UMAD1: variants seen among roughly 807,000 people sequenced by gnomAD.
UMAD1 encodes UBAP1-MVB12-associated (UMA) domain containing 1.
Under a neutral mutation model 6.1 loss-of-function variants are expected in UMAD1, and 8 were observed. The ratio of observed to expected loss-of-function variants is 1.30; its 90% CI spans 0.76 to 2.35. The LOEUF (loss-of-function observed/expected upper bound fraction) is 2.35, where lower values mean the gene tolerates loss of function less well. Among genes scored for constraint, UMAD1 ranks in the 30% most tolerant of loss-of-function variants. The probability of loss-of-function intolerance (pLI) is 0.00; values close to 1 mark genes in which losing one functional copy is unlikely to be tolerated. For synonymous variants in UMAD1, 56 were observed against 31.4 expected, an observed-to-expected ratio of 1.78 and a Z score of -2.61; for missense variants, 130 against 78.4, an observed-to-expected ratio of 1.66 and a Z score of -2.49.
chr7:7,775,788 C>G (rs1782193381), intron 2 of UMAD1, among the ~76,000 whole-genome samples: 1 of 152,180 alleles, frequency 6.6e-6, no homozygotes, highest in Admixed American at 6.5e-5. Flanking sequence ...TGCAGCTATT[C>G]TACTTCTAGG....
At chr7:7,828,628 C>T (rs1256690744) in intron 3 of UMAD1, among the ~76,000 whole-genome samples, 1 of 152,188 alleles carries the variant, frequency 6.6e-6, no homozygotes. Flanking sequence ...CCTGTAAAGG[C>T]TTTGATCCAG....
intron 2 of UMAD1, among the ~76,000 whole-genome samples, chr7:7,801,332 A>G (rs1456640708): frequency 6.6e-6 from 1 of 152,246 alleles, no homozygotes; most frequent in Non-Finnish European, 1.5e-5. Flanking sequence ...AAGAGTTTTT[A>G]TTTCAACATA....
intron 3 of UMAD1, among the ~76,000 whole-genome samples, chr7:7,840,213 G>C (rs1783651818): frequency 6.6e-6 from 1 of 152,056 alleles, no homozygotes; most frequent in Non-Finnish European, 1.5e-5. Context: ...TTAGTGTCAG[G>C]GTCTAAGATG....
chr7:7,725,016 T>C (rs1474724285), intron 2 of UMAD1, among the ~76,000 whole-genome samples: 1 of 152,212 alleles, frequency 6.6e-6, no homozygotes, highest in Non-Finnish European at 1.5e-5. Flanking sequence ...CTGGACTTAC[T>C]GGTGAGACAT....
At chr7:7,708,572 A>C (rs1200833062) in intron 2 of UMAD1, among the ~76,000 whole-genome samples, 1 of 152,206 alleles carries the variant, frequency 6.6e-6, no homozygotes, top group Non-Finnish European at 1.5e-5. Flanking sequence ...CATTGAAAGG[A>C]AACCTTTAAA....
intron 2 of UMAD1, among the ~76,000 whole-genome samples, chr7:7,690,089 T>A (rs1684765861): frequency 6.6e-6 from 1 of 152,198 alleles, no homozygotes; most frequent in Non-Finnish European, 1.5e-5. Flanking sequence ...CCATTTGATT[T>A]TCAGGAACGT....
chr7:7,790,641 C>A (rs1782550890), intron 2 of UMAD1, among the ~76,000 whole-genome samples: 1 of 152,130 alleles, frequency 6.6e-6, no homozygotes, highest in South Asian at 2.1e-4. Flanking sequence ...TTAAAGGGAC[C>A]AAATCTCTTT....
chr7:7,646,483 T>A (rs1266278902), intron 1 of UMAD1, among the ~76,000 whole-genome samples: 2 of 26,302 alleles, frequency 7.6e-5, no homozygotes, highest in Non-Finnish European at 2.8e-4. Context: ...TCGCTGGATT[T>A]TTTTTTTTTT....
chr7:7,718,147 T>C (rs997742337), intron 2 of UMAD1, among the ~76,000 whole-genome samples: 4 of 152,226 alleles, frequency 2.6e-5, no homozygotes, highest in African/African-American at 9.6e-5. Flanking sequence ...AAAACTGGTA[T>C]TAATTTGGGA....
At chr7:7,799,609 G>A (rs910481891) in intron 2 of UMAD1, among the ~76,000 whole-genome samples, 7 of 152,172 alleles carry the variant, frequency 4.6e-5, no homozygotes, top group Non-Finnish European at 8.8e-5. Flanking sequence ...TGCGTTATAC[G>A]TATTTTCTTA....
intron 3 of UMAD1, among the ~76,000 whole-genome samples, chr7:7,856,031 C>A (rs906448919): frequency 3.9e-5 from 6 of 152,130 alleles, no homozygotes; most frequent in African/African-American, 1.4e-4. Flanking sequence ...CTTCATTGTC[C>A]ATATCACCAT....
chr7:7,641,739 G>A (rs577110903), intron 1 of UMAD1: 2 of 152,320 alleles, frequency 1.3e-5, no homozygotes, highest in South Asian at 2.1e-4. Flanking sequence ...TTTTAATTGG[G>A]TATTATAACG....
chr7:7,709,337 T>C (rs948744678), intron 2 of UMAD1, among the ~76,000 whole-genome samples: 2 of 152,250 alleles, frequency 1.3e-5, no homozygotes, highest in African/African-American at 4.8e-5. Flanking sequence ...GGGTCGTCAT[T>C]AATTCAAGTC....
At chr7:7,845,812 A>G (rs576097392) in intron 3 of UMAD1, among the ~76,000 whole-genome samples, 1 of 152,258 alleles carries the variant, frequency 6.6e-6, no homozygotes, top group Admixed American at 6.5e-5. Context: ...TTGTAATACA[A>G]ATATGTCATA....
intron 2 of UMAD1, among the ~76,000 whole-genome samples, chr7:7,717,456 T>C (rs1780946148): frequency 2.6e-5 from 4 of 152,226 alleles, no homozygotes; most frequent in Admixed American, 2.6e-4. Flanking sequence ...CTCAGGTATT[T>C]ACCTCAGACA....
intron 3 of UMAD1, among the ~76,000 whole-genome samples, chr7:7,848,295 G>A (rs1441355147): frequency 1.3e-5 from 2 of 152,076 alleles, no homozygotes; most frequent in African/African-American, 2.4e-5. Context: ...AAAATAAAAT[G>A]ACACATGATT....
intron 2 of UMAD1, among the ~76,000 whole-genome samples, chr7:7,764,335 C>A (rs1034069116): frequency 6.6e-6 from 1 of 152,020 alleles, no homozygotes; most frequent in Non-Finnish European, 1.5e-5. Context: ...AGAATAGAAG[C>A]TGCAGTTCTT....
intron 3 of UMAD1, among the ~76,000 whole-genome samples, chr7:7,849,802 G>A (rs1393660507): frequency 2.4e-5 from 1 of 40,916 alleles, no homozygotes; most frequent in Admixed American, 2.1e-4. Flanking sequence ...TGTAGAGAAT[G>A]GGGTGAATGG....
intron 1 of UMAD1, 124 bp from the exon 2 acceptor site, chr7:7,673,185 A>T: frequency 2.8e-6 from 2 of 718,998 alleles, no homozygotes; most frequent in Non-Finnish European, 4.9e-6. Flanking sequence ...TCATGGTTTT[A>T]CATGTGGCCA....
Sources: gnomAD v4.1 joint callset for allele counts (sites outside exome capture counted in the v4.1 genomes callset) on GRCh38, gnomAD v4.1.1 for gene constraint, MANE v1.5 for transcripts, NCBI Gene and HGNC (gene_info 2026-07-23, HGNC 2026-07-21) for gene names.